Variants in GRM7 observed in about 807,000 individuals in gnomAD.
The protein encoded by GRM7 is metabotropic glutamate receptor 7.
GRM7 carries 35 observed loss-of-function variants against 84.5 expected under a neutral mutation model. That is an observed-to-expected ratio of 0.41 (90% CI 0.32 to 0.55). GRM7 has a LOEUF of 0.55. Ranked by LOEUF, GRM7 falls within the 20% of genes least tolerant of loss-of-function variation. GRM7 has a pLI of 0.19. For synonymous variants in GRM7, 487 were observed against 455.1 expected, an observed-to-expected ratio of 1.07 and a Z score of -0.89; for missense variants, 1,003 against 1,194.6, an observed-to-expected ratio of 0.84 and a Z score of 2.36.
At chr3:7,650,665 G>T (rs536437643) in intron 8 of GRM7, among the ~76,000 whole-genome samples, 1 of 152,258 alleles carries the variant, frequency 6.6e-6, no homozygotes, top group Non-Finnish European at 1.5e-5. Context: ...GGCAAGCAAA[G>T]GTCATTTTCT....
intron 4 of GRM7, among the ~76,000 whole-genome samples, chr3:7,319,932 A>C (rs1295334754): frequency 6.6e-6 from 1 of 152,076 alleles, no homozygotes; most frequent in Non-Finnish European, 1.5e-5. Context: ...TCACCAAGGT[A>C]ACCACTACAC....
At chr3:7,352,042 A>T (rs9860341) in intron 4 of GRM7, among the ~76,000 whole-genome samples, 15,184 of 126,476 alleles carry the variant, frequency 0.12, 810 homozygotes, top group African/African-American at 0.17. Flanking sequence ...TCTCTCTCTC[A>T]CACACACACA....
At chr3:7,659,769 C>A (rs956854206) in intron 8 of GRM7, among the ~76,000 whole-genome samples, 1 of 152,166 alleles carries the variant, frequency 6.6e-6, no homozygotes, top group African/African-American at 2.4e-5. Context: ...GGATTTTCAA[C>A]ACGGTAAGAT....
intron 2 of GRM7, among the ~76,000 whole-genome samples, chr3:7,273,627 T>C (rs148764184): frequency 0.013 from 1,906 of 152,204 alleles, 20 homozygotes; most frequent in Admixed American, 0.022. Flanking sequence ...TTGATAACTT[T>C]CCTTGCTCTG....
chr3:7,490,676 T>C (rs12497709), intron 7 of GRM7, among the ~76,000 whole-genome samples: 91,081 of 152,020 alleles, frequency 0.6, 27,650 homozygotes, highest in East Asian at 0.74. Flanking sequence ...TACATGAGGA[T>C]CTATTAGACG....
At chr3:7,427,359 G>A (rs993893625) in intron 5 of GRM7, among the ~76,000 whole-genome samples, 1 of 152,104 alleles carries the variant, frequency 6.6e-6, no homozygotes, top group African/African-American at 2.4e-5. Flanking sequence ...ATGCTCTTAT[G>A]TTATGAAGAA....
At chr3:7,729,964 TC>T (rs1702255692) in intron 9 of GRM7, among the ~76,000 whole-genome samples, 3 of 132,012 alleles carry the variant, frequency 2.3e-5, no homozygotes, top group African/African-American at 8.7e-5. Context: ...AACCTCCACC[TC>T]CTGGGTTCAA....
intron 3 of GRM7, among the ~76,000 whole-genome samples, chr3:7,304,287 C>T (rs1349393902): frequency 7.8e-6 from 1 of 128,930 alleles, no homozygotes; most frequent in Non-Finnish European, 1.7e-5. Flanking sequence ...GAAGCCATTG[C>T]TCCATCATCC....
chr3:7,643,108 C>A (rs948348448), intron 8 of GRM7, among the ~76,000 whole-genome samples: 1 of 152,128 alleles, frequency 6.6e-6, no homozygotes, highest in Non-Finnish European at 1.5e-5. Context: ...GTTCAACATG[C>A]AGATCCCTAT....
intron 7 of GRM7, among the ~76,000 whole-genome samples, chr3:7,567,216 G>T (rs1694324160): frequency 6.6e-6 from 1 of 152,104 alleles, no homozygotes; most frequent in Non-Finnish European, 1.5e-5. Context: ...AGACCCTCCT[G>T]ACTGTGAAAA....
chr3:7,499,593 T>C (rs1049372459), intron 7 of GRM7, among the ~76,000 whole-genome samples: 1 of 152,168 alleles, frequency 6.6e-6, no homozygotes, highest in Non-Finnish European at 1.5e-5. Context: ...TAGGGACTTA[T>C]TTTCAGATGA....
At chr3:7,297,466 G>A (rs1331921272) in intron 2 of GRM7, among the ~76,000 whole-genome samples, 1 of 152,082 alleles carries the variant, frequency 6.6e-6, no homozygotes, top group African/African-American at 2.4e-5. Flanking sequence ...TCTGTTGTGT[G>A]GGTTGTCAAT....
At chr3:7,430,125 A>G (rs1215214154) in intron 5 of GRM7, among the ~76,000 whole-genome samples, 6 of 152,242 alleles carry the variant, frequency 3.9e-5, no homozygotes. Context: ...TCTCAAATAA[A>G]TAAGTAAATA....
chr3:7,610,562 T>G (rs1696805112), intron 8 of GRM7, among the ~76,000 whole-genome samples: 1 of 152,128 alleles, frequency 6.6e-6, no homozygotes, highest in African/African-American at 2.4e-5. Context: ...TTGGAGGGAA[T>G]TTTTAGTTTT....
At chr3:7,565,136 A>G (rs948971885) in intron 7 of GRM7, among the ~76,000 whole-genome samples, 3 of 152,276 alleles carry the variant, frequency 2.0e-5, no homozygotes, top group Middle Eastern at 3.4e-3. Context: ...AACTGATGAG[A>G]CTCACAAAAG....
intron 4 of GRM7, among the ~76,000 whole-genome samples, chr3:7,322,956 G>C (rs543058314): frequency 2.0e-5 from 3 of 152,040 alleles, no homozygotes; most frequent in African/African-American, 7.2e-5. Flanking sequence ...AAGCAGAGTC[G>C]AACTCAGGGA....
chr3:7,467,570 C>G (rs768449011), intron 7 of GRM7, among the ~76,000 whole-genome samples: 1 of 152,120 alleles, frequency 6.6e-6, no homozygotes, highest in African/African-American at 2.4e-5. Context: ...ACATGCTCTT[C>G]TTGGAGGCGG....
intron 5 of GRM7, among the ~76,000 whole-genome samples, chr3:7,436,672 C>T (rs1232303948): frequency 6.6e-6 from 1 of 152,198 alleles, no homozygotes; most frequent in Admixed American, 6.5e-5. Context: ...TACAATCAAA[C>T]TGCAAACTTG....
At chr3:7,599,764 A>T (rs901615450) in intron 8 of GRM7, among the ~76,000 whole-genome samples, 4 of 152,100 alleles carry the variant, frequency 2.6e-5, no homozygotes, top group Non-Finnish European at 5.9e-5. Context: ...TGACAACCTG[A>T]TATCATGAAG....
Sources: allele counts gnomAD v4.1 joint callset (sites outside exome capture counted in the v4.1 genomes callset), GRCh38; gene constraint gnomAD v4.1.1; transcripts MANE v1.5; gene names NCBI Gene and HGNC (gene_info 2026-07-23, HGNC 2026-07-21).